The following FOXN3 variants were observed in gnomAD, a reference collection of about 807,000 sequenced individuals.
FOXN3 encodes the protein forkhead box protein N3.
Under a neutral mutation model 38.4 loss-of-function variants are expected in FOXN3, and 7 were observed. That is an observed-to-expected ratio of 0.18 (90% confidence interval 0.10 to 0.34). The LOEUF is 0.34. Among genes scored for constraint, FOXN3 ranks in the 10% least tolerant of loss-of-function variants. The pLI is 1.00. For synonymous variants in FOXN3, 230 were observed against 242.2 expected, an observed-to-expected ratio of 0.95 and a Z score of 0.47; for missense variants, 456 against 613.4, an observed-to-expected ratio of 0.74 and a Z score of 2.71.
At chr14:89,563,190 A>G (rs1031258492) in intron 1 of FOXN3, among the ~76,000 whole-genome samples, 1 of 152,274 alleles carries the variant, frequency 6.6e-6, no homozygotes, top group African/African-American at 2.4e-5. Context: ...ATGACTTTCT[A>G]TAAGCCAGGA....
At chr14:89,372,719 G>GT (rs1207364499) in intron 2 of FOXN3, among the ~76,000 whole-genome samples, 1 of 118,708 alleles carries the variant, frequency 8.4e-6, no homozygotes, top group Non-Finnish European at 2.0e-5. Context: ...GTCTCATGGG[G>GT]TAAAAAAAAA....
At position 89,457,405 on chromosome 14, in the gene FOXN3, A is replaced by G. The variant is rs186320882; in HGVS notation, c.-14-44915T>C. ...TTTACTAGGAAAATCCAATGAATGC[A>G]TAGTGGCTGCAAGCATGGAACCCGG... On this transcript the variant is annotated intron_variant, in intron 1 of 6. Transcript: ENST00000345097. 2.4e-3 allele frequency among the ~76,000 whole-genome samples: 359 copies of G among 152,260 alleles called. 4 individuals carry two copies. Among genetic ancestry groups the G allele is most frequent in the Non-Finnish European group, 5.7e-4 (39 of 68,004 alleles).
rs148106757 is a variant in FOXN3, at chr14:89,573,301, T to C, written c.-15+45727A>G. On this transcript the variant is annotated intron_variant, in intron 1 of 6. Coordinates refer to the FOXN3 transcript ENST00000345097. ...AAGCAGATATGGTCTGAATTGGAAA[T>C]AGATTTCATGGGCAGATAAAGTCTA... is the stretch of plus-strand genomic sequence containing the variant. Among the ~76,000 whole-genome samples the C allele has an allele frequency of 3.4e-3, 511 of 152,276 alleles. 1 individual carries two copies. Among genetic ancestry groups the C allele is most frequent in the South Asian group, 0.023 (111 of 4,820 alleles).
chr14:89,320,872 CAA>C (rs1292707632), intron 3 of FOXN3, among the ~76,000 whole-genome samples: 1 of 152,176 alleles, frequency 6.6e-6, no homozygotes, highest in African/African-American at 2.4e-5. Flanking sequence ...AAACCCAACA[CAA>C]ACGGCAGACA....
intron 3 of FOXN3, among the ~76,000 whole-genome samples, chr14:89,308,646 T>C (rs760345985): frequency 6.6e-6 from 1 of 152,130 alleles, no homozygotes; most frequent in African/African-American, 2.4e-5. Context: ...ACACAAAACA[T>C]AGGAGTTCAA....
chr14:89,343,422 A>AT (rs375792913), intron 3 of FOXN3, among the ~76,000 whole-genome samples: 3 of 152,026 alleles, frequency 2.0e-5, no homozygotes, highest in Admixed American at 6.5e-5. Flanking sequence ...GTTAATTTGA[A>AT]TATACAGTGA....
chr14:89,577,426 G>A (rs1895656287), intron 1 of FOXN3: 1 of 152,120 alleles, frequency 6.6e-6, no homozygotes, highest in East Asian at 1.9e-4. Context: ...AAGACCAGTA[G>A]ACGAATCAGG....
At chr14:89,585,016 A>T (rs912429921) in intron 1 of FOXN3, among the ~76,000 whole-genome samples, 6 of 152,126 alleles carry the variant, frequency 3.9e-5, no homozygotes, top group African/African-American at 1.4e-4. Flanking sequence ...GTGCCCGGCA[A>T]GTGTCTCTTT....
At chr14:89,239,111 C>G (rs567602071) in intron 4 of FOXN3, among the ~76,000 whole-genome samples, 34 of 152,292 alleles carry the variant, frequency 2.2e-4, no homozygotes, top group Middle Eastern at 3.4e-3. Context: ...ACTCCGCCCC[C>G]CTCTTCCCTC....
At chr14:89,360,771 ACCTCCACCACCACCT>A (rs1831090502) in intron 2 of FOXN3, among the ~76,000 whole-genome samples, 3 of 84,296 alleles carry the variant, frequency 3.6e-5, no homozygotes, top group African/African-American at 6.3e-5. Context: ...CACCACTACC[ACCTCCACCACCACCT>A]CCACCACCAC....
chr14:89,161,586 TGTGTGTGTGTGC>T lies in FOXN3; in HGVS notation c.*816_*827del, dbSNP rs202116271. Reference sequence around the variant, plus strand: ...GTGTGTGTGTGTGTGTGTGTGTGTGTGTGTGTGTGTGCGTGCGTGCACAGGGCCAATCTTCAG... The same window carrying T: ...GTGTGTGTGTGTGTGTGTGTGTGTGTGTGCGTGCACAGGGCCAATCTTCAG... On this transcript the variant is annotated 3_prime_UTR_variant, in exon 6 of 6. Transcript: ENST00000557258. 1,743 of 147,846 alleles carry T rather than the reference TGTGTGTGTGTGC, an allele frequency of 0.012. 18 individuals carry two copies. The highest frequency in any genetic ancestry group is 0.028 in the Middle Eastern group (8 of 284). 9.2% of individuals were successfully genotyped at this position (147,846 alleles called of 1,614,324 possible).
intron 1 of FOXN3, among the ~76,000 whole-genome samples, chr14:89,519,908 G>A (rs1649014861): frequency 6.6e-6 from 1 of 152,156 alleles, no homozygotes; most frequent in South Asian, 2.1e-4. Context: ...CTGCCTGAAG[G>A]TAGTGTGGAA....
intron 1 of FOXN3, among the ~76,000 whole-genome samples, chr14:89,535,310 C>T (rs1204557513): frequency 6.6e-6 from 1 of 151,674 alleles, no homozygotes; most frequent in African/African-American, 2.4e-5. Context: ...TTTTTATGAG[C>T]AGCTGAAGGT....
chr14:89,578,998 C>A (rs1353219048), intron 1 of FOXN3, among the ~76,000 whole-genome samples: 1 of 152,074 alleles, frequency 6.6e-6, no homozygotes, highest in Non-Finnish European at 1.5e-5. Context: ...TAGTCACATG[C>A]CAACACACCT....
In FOXN3 at chr14:89,188,227, G is replaced by A. The variant is rs149212148; in HGVS notation, c.746-7421C>T. Among the ~76,000 whole-genome samples, 386 of 152,274 alleles carry A rather than the reference G, an allele frequency of 2.5e-3. 3 individuals are homozygous for A. Among genetic ancestry groups the A allele is most frequent in the African/African-American group, 8.8e-3 (366 of 41,546 alleles). On this transcript the variant is annotated intron_variant, in intron 4 of 5. Transcript: ENST00000557258. ...AGCATTTCAATGTAAATAGGACCGT[G>A]GCTACCCTGGAAAAAGAAGTATTTA...
intron 4 of FOXN3, among the ~76,000 whole-genome samples, chr14:89,272,772 G>T (rs1025112265): frequency 1.3e-5 from 2 of 152,180 alleles, no homozygotes; most frequent in Admixed American, 6.5e-5. Context: ...AGAATCACTT[G>T]AATCTGGGAA....
At chr14:89,346,812 G>A (rs1888771885) in intron 3 of FOXN3, among the ~76,000 whole-genome samples, 1 of 151,996 alleles carries the variant, frequency 6.6e-6, no homozygotes. Flanking sequence ...CCTCTGAATG[G>A]GAATTGTGTC....
chr14:89,444,206 C>G (rs1892448775), intron 1 of FOXN3, among the ~76,000 whole-genome samples: 1 of 151,410 alleles, frequency 6.6e-6, no homozygotes, highest in African/African-American at 2.4e-5. Flanking sequence ...TAACATGAAT[C>G]TGAAGAAACT....
At chr14:89,466,246 A>G (rs1343357256) in intron 1 of FOXN3, among the ~76,000 whole-genome samples, 1 of 152,176 alleles carries the variant, frequency 6.6e-6, no homozygotes, top group Non-Finnish European at 1.5e-5. Context: ...CGTCTAAGGC[A>G]TTCAAGTTGA....
Sources: allele counts gnomAD v4.1 joint callset (sites outside exome capture counted in the v4.1 genomes callset), GRCh38; gene constraint gnomAD v4.1.1; transcripts MANE v1.5; gene names NCBI Gene and HGNC (gene_info 2026-07-23, HGNC 2026-07-21).